Variants in EYS observed in about 807,000 individuals in gnomAD.
EYS encodes the protein protein eyes shut homolog.
A neutral mutation model predicts 282.1 loss-of-function variants in EYS; 250 were observed. The observed-to-expected ratio is 0.89, with a 90% CI of 0.80 to 0.98. The LOEUF is 0.98. EYS is among the 50% of genes least tolerant of loss of function. EYS has a pLI of 0.00. For missense variants in EYS, 4,016 were observed against 3,709.0 expected (o/e 1.08, Z -2.15); for synonymous variants, 1,355 against 1,282.9 (o/e 1.06, Z -1.20).
At chr6:64,737,076 C>T (rs1448603670) in intron 22 of EYS, among the ~76,000 whole-genome samples, 1 of 152,074 alleles carries the variant, frequency 6.6e-6, no homozygotes, top group South Asian at 2.1e-4. Context: ...TTTTATTCAT[C>T]CCTTTGAATC....
chr6:63,967,194 T>C (rs759820366), intron 35 of EYS, among the ~76,000 whole-genome samples: 12 of 152,186 alleles, frequency 7.9e-5, no homozygotes, highest in Non-Finnish European at 1.5e-4. Context: ...ATAGACATGC[T>C]ACACTAAGGG....
In EYS at chr6:64,032,623, A is replaced by C. The variant is rs139416847; in HGVS notation, c.6726-33440T>G. On this transcript the variant is annotated intron_variant, in intron 33 of 42. Transcript: ENST00000503581. ...AATCTGAAGTAAGTAGTGGGTCTCTAGATTACCTATACATTTGTCTGGCTT... is the reference window on the plus strand; with the variant it reads ...AATCTGAAGTAAGTAGTGGGTCTCTCGATTACCTATACATTTGTCTGGCTT... Among the ~76,000 whole-genome samples, 34 of 152,324 alleles carry C rather than the reference A, an allele frequency of 2.2e-4. 1 individual carries two copies. In the East Asian group the frequency reaches 6.4e-3, roughly 29 times the overall value.
At chr6:64,826,399 A>G (rs1765056969) in intron 19 of EYS, among the ~76,000 whole-genome samples, 1 of 151,760 alleles carries the variant, frequency 6.6e-6, no homozygotes, top group Non-Finnish European at 1.5e-5. Context: ...TTTTTATTTC[A>G]TTCATAATGC....
intron 30 of EYS, among the ~76,000 whole-genome samples, chr6:64,255,012 G>T (rs1244761828): frequency 2.0e-5 from 3 of 152,090 alleles, no homozygotes; most frequent in African/African-American, 7.2e-5. Flanking sequence ...AAAACTTGGA[G>T]ATTACTTTGT....
intron 6 of EYS, among the ~76,000 whole-genome samples, chr6:65,403,485 C>A (rs1766596763): frequency 6.6e-6 from 1 of 151,798 alleles, no homozygotes; most frequent in Non-Finnish European, 1.5e-5. Flanking sequence ...AGGTAAAAAG[C>A]CCGTATACTT....
At chr6:65,243,582 T>C (rs1186494145) in intron 12 of EYS, among the ~76,000 whole-genome samples, 2 of 152,152 alleles carry the variant, frequency 1.3e-5, no homozygotes, top group African/African-American at 4.8e-5. Flanking sequence ...TTGTATGCCA[T>C]TTAAGACAAT....
In EYS at chr6:64,218,310, G is replaced by T. The variant is rs529180832; in HGVS notation, c.6424+12282C>A. ...CCTTACAATCATGACTCCTTCTTGT[G>T]TCCCTTTGAGATTTATTGTATCTCT... On this transcript the variant is annotated intron_variant, in intron 31 of 42. Coordinates refer to ENST00000503581, the MANE Select transcript of EYS (RefSeq NM_001142800.2). Among the ~76,000 whole-genome samples, 73 of 152,190 alleles carry T rather than the reference G, an allele frequency of 4.8e-4. 1 individual carries two copies. Among genetic ancestry groups the T allele is most frequent in the African/African-American group, 1.8e-3 (73 of 41,518 alleles).
At chr6:64,665,280 A>G (rs1447309118) in intron 22 of EYS, among the ~76,000 whole-genome samples, 1 of 152,214 alleles carries the variant, frequency 6.6e-6, no homozygotes, top group African/African-American at 2.4e-5. Flanking sequence ...CAAATTGTGA[A>G]AAAAATGCAA....
Position 65,004,546 on chromosome 6 carries a change from G to A in EYS, c.2138-6843C>T, listed in dbSNP as rs1173715858. On this transcript the variant is annotated intron_variant, in intron 13 of 42. Coordinates refer to ENST00000503581, the MANE Select transcript of EYS (RefSeq NM_001142800.2). ...GTGGACCTGAAAAGCTGGCACACTG[G>A]CACCGGAACTCAAGGGGAAACATTT... Among the ~76,000 whole-genome samples the A allele has an allele frequency of 1.4e-5, 2 of 147,616 alleles. 1 individual carries two copies. The highest frequency in any genetic ancestry group is 3.0e-5 in the Non-Finnish European group (2 of 65,924).
At chr6:64,616,814 A>G (rs1767288093) in intron 24 of EYS, among the ~76,000 whole-genome samples, 1 of 152,136 alleles carries the variant, frequency 6.6e-6, no homozygotes, top group Admixed American at 6.6e-5. Flanking sequence ...ATATTTATAA[A>G]TATACATTTA....
chr6:63,824,519 T>C (rs1247437530), intron 36 of EYS, among the ~76,000 whole-genome samples: 1 of 152,194 alleles, frequency 6.6e-6, no homozygotes, highest in Non-Finnish European at 1.5e-5. Flanking sequence ...ACAGACCCTC[T>C]GAAGGAAGTG....
chr6:64,801,164 G>T (rs1774537524), intron 22 of EYS, among the ~76,000 whole-genome samples: 5 of 151,994 alleles, frequency 3.3e-5, no homozygotes, highest in Admixed American at 3.3e-4. Context: ...CATCATTTTA[G>T]GGCCAGTCAT....
intron 12 of EYS, among the ~76,000 whole-genome samples, chr6:65,234,060 T>C (rs1037787560): frequency 1.8e-4 from 27 of 152,256 alleles, no homozygotes; most frequent in Admixed American, 8.5e-4. Flanking sequence ...ATGGGTCTAC[T>C]AGCCTCTTCT....
chr6:64,407,705 C>T (rs896754404), intron 28 of EYS, among the ~76,000 whole-genome samples: 1 of 152,078 alleles, frequency 6.6e-6, no homozygotes, highest in Non-Finnish European at 1.5e-5. Context: ...TATATATGTA[C>T]ATATATGTGT....
chr6:64,929,765 A>G (rs963040317), intron 15 of EYS, among the ~76,000 whole-genome samples: 5 of 152,138 alleles, frequency 3.3e-5, no homozygotes, highest in Non-Finnish European at 5.9e-5. Context: ...TATCATACAT[A>G]TCAACATATG....
At chr6:65,564,257 A>G (rs1170302667) in intron 2 of EYS, among the ~76,000 whole-genome samples, 2 of 152,182 alleles carry the variant, frequency 1.3e-5, no homozygotes, top group South Asian at 2.1e-4. Context: ...TTCTTCAAAG[A>G]GTTAGAAAAA....
At chr6:64,700,883 T>G (rs769635669) in intron 22 of EYS, among the ~76,000 whole-genome samples, 1 of 152,028 alleles carries the variant, frequency 6.6e-6, no homozygotes, top group Non-Finnish European at 1.5e-5. Context: ...AAAATTCATA[T>G]GGAACCAAAA....
chr6:65,202,084 C>G (rs1030686946), intron 12 of EYS, among the ~76,000 whole-genome samples: 1 of 151,868 alleles, frequency 6.6e-6, no homozygotes, highest in Non-Finnish European at 1.5e-5. Context: ...TGCACTCCAG[C>G]CTGGGTGACA....
At chr6:64,968,820 T>G (rs2150109988) in intron 14 of EYS, among the ~76,000 whole-genome samples, 1 of 133,634 alleles carries the variant, frequency 7.5e-6, no homozygotes, top group East Asian at 2.4e-4. Context: ...TAGCTGAGTC[T>G]TTGCCTAGGA....
Sources: gnomAD v4.1 joint callset for allele counts (sites outside exome capture counted in the v4.1 genomes callset) on GRCh38, gnomAD v4.1.1 for gene constraint, MANE v1.5 for transcripts, NCBI Gene and HGNC (gene_info 2026-07-23, HGNC 2026-07-21) for gene names.